Variants in MTOR observed in about 807,000 individuals in gnomAD.
MTOR encodes serine/threonine-protein kinase mTOR.
A neutral mutation model predicts 319.8 loss-of-function variants in MTOR; 70 were observed. The observed-to-expected ratio is 0.22, with a 90% confidence interval of 0.18 to 0.27. The LOEUF (loss-of-function observed/expected upper bound fraction) is 0.27, where lower values mean the gene tolerates loss of function less well. MTOR is among the 10% of genes least tolerant of loss of function. The pLI, the probability that MTOR is intolerant of heterozygous loss-of-function variation, is 1.00. For synonymous variants in MTOR, 1,183 were observed against 1,211.4 expected, an observed-to-expected ratio of 0.98 and a Z score of 0.49; for missense variants, 1,890 against 3,274.4, an observed-to-expected ratio of 0.58 and a Z score of 10.32.
chr1:11,171,441 C>T (rs1644811501), intron 28 of MTOR, among the ~76,000 whole-genome samples: 1 of 151,822 alleles, frequency 6.6e-6, no homozygotes, highest in Non-Finnish European at 1.5e-5. Context: ...GGCACTGCAC[C>T]TGGCCTCCAG....
chr1:11,161,557 A>G (rs1335707251), intron 29 of MTOR, among the ~76,000 whole-genome samples: 1 of 152,178 alleles, frequency 6.6e-6, no homozygotes, highest in African/African-American at 2.4e-5. Context: ...CTGACACCTC[A>G]CACGGCTGGG....
At chr1:11,202,420 CAAAAAAA>C (rs35136193) in intron 26 of MTOR, among the ~76,000 whole-genome samples, 2 of 72,158 alleles carry the variant, frequency 2.8e-5, no homozygotes, top group African/African-American at 1.3e-4. Context: ...AACTCCGTCT[CAAAAAAA>C]AAAAAAAAAA....
intron 4 of MTOR, among the ~76,000 whole-genome samples, chr1:11,256,556 T>C (rs1225141189): frequency 6.6e-6 from 1 of 152,166 alleles, no homozygotes; most frequent in Non-Finnish European, 1.5e-5. Flanking sequence ...TTTAATCCTG[T>C]TGTTATTTTT....
chr1:11,125,666 T>A (rs921199499), intron 46 of MTOR, among the ~76,000 whole-genome samples: 2 of 143,496 alleles, frequency 1.4e-5, no homozygotes, highest in Non-Finnish European at 3.0e-5. Context: ...GGAGGTGGGG[T>A]TGCAGTGAGC....
At chr1:11,253,726 T>G in intron 6 of MTOR, 113 bp downstream of exon 6, 2 of 1,198,470 alleles carry the variant, frequency 1.7e-6, no homozygotes, top group Non-Finnish European at 2.4e-6. Flanking sequence ...TTTACTTATT[T>G]ATTATGTTTC....
At chr1:11,206,010 T>C (rs893234878) in intron 25 of MTOR, among the ~76,000 whole-genome samples, 2 of 152,230 alleles carry the variant, frequency 1.3e-5, no homozygotes, top group South Asian at 4.1e-4. Flanking sequence ...TTAGACAACC[T>C]ATCACTTTAT....
chr1:11,150,094 C>T, intron 31 of MTOR, 32 bp downstream of exon 31: 2 of 1,595,922 alleles, frequency 1.3e-6, no homozygotes, highest in Non-Finnish European at 1.7e-6. Context: ...CTCACCCCAT[C>T]CTTCACAGGG....
At position 11,115,771 on chromosome 1, in the gene MTOR, A is replaced by G. The variant is rs1642133109; in HGVS notation, c.7017-303T>C. ...GGTCCTTTACAGAAACAGTTTGCCA[A>G]CTCCTGCTGAAATGTGGGCTTATGT... is the stretch of plus-strand genomic sequence containing the variant. On this transcript the variant is annotated intron_variant, in intron 50 of 57. Coordinates refer to ENST00000361445, the MANE Select transcript of MTOR (RefSeq NM_004958.4). This position sits in a 1 kb window ranked among gnomAD's most constrained non-coding sequence, Gnocchi z 4.5. 3.3e-6 allele frequency: 1 copy of G among 307,404 alleles called. No homozygotes were observed. Among genetic ancestry groups the G allele is most frequent in the African/African-American group, 2.1e-5 (1 of 47,472 alleles). 19.0% of individuals were successfully genotyped at this position (307,404 alleles called of 1,614,324 possible).
At position 11,200,613 on chromosome 1, in the gene MTOR, C is replaced by T. The variant is rs558193625; in HGVS notation, c.3945-910G>A. ...ATGCCTCTATACCTATTTTCTGTTA[C>T]ATATTAACAGGTTAAGTTAGACCAA... On this transcript the variant is annotated intron_variant, in intron 26 of 57. Coordinates refer to ENST00000361445, the MANE Select transcript of MTOR (RefSeq NM_004958.4). 2.0e-5 allele frequency among the ~76,000 whole-genome samples: 3 copies of T among 152,242 alleles called. No individual in the cohort carries two copies. In the East Asian group the frequency reaches 5.8e-4, roughly 29 times the overall value.
At chr1:11,232,602 C>T (rs182410148) in intron 15 of MTOR, 74 bp from the exon 16 acceptor site, 100 of 1,292,390 alleles carry the variant, frequency 7.7e-5, no homozygotes, top group Non-Finnish European at 1.0e-4. Flanking sequence ...AGGCCGGGCA[C>T]GGTGGCTCAT....
chr1:11,187,768 G>A (rs949611515), intron 28 of MTOR, among the ~76,000 whole-genome samples: 3 of 152,162 alleles, frequency 2.0e-5, no homozygotes, highest in African/African-American at 4.8e-5. Context: ...TGAATGCTAT[G>A]GAGCTAAGGC....
intron 11 of MTOR, among the ~76,000 whole-genome samples, chr1:11,239,365 A>C (rs1169618720): frequency 6.6e-6 from 1 of 152,196 alleles, no homozygotes; most frequent in Non-Finnish European, 1.5e-5. Context: ...ATTCACTAGA[A>C]ATAAATTATC....
At chr1:11,222,611 T>C (rs571540647) in intron 19 of MTOR, among the ~76,000 whole-genome samples, 1 of 152,270 alleles carries the variant, frequency 6.6e-6, no homozygotes, top group South Asian at 2.1e-4. Flanking sequence ...AGTGCTGATA[T>C]TACAGCCACC....
intron 26 of MTOR, 145 bp downstream of exon 26, chr1:11,204,416 G>C (rs1646073517): frequency 2.6e-6 from 3 of 1,160,182 alleles, no homozygotes; most frequent in African/African-American, 1.5e-5. Context: ...TGAGCTTGTT[G>C]AATTTGTCTT....
At chr1:11,246,615 C>T (rs755700633) in intron 8 of MTOR, among the ~76,000 whole-genome samples, 11 of 152,062 alleles carry the variant, frequency 7.2e-5, no homozygotes, top group Non-Finnish European at 1.3e-4. Context: ...GGCTGGGTGG[C>T]GTGAAGTGAG....
intron 49 of MTOR, among the ~76,000 whole-genome samples, chr1:11,118,738 C>T (rs561742437): frequency 6.6e-6 from 1 of 151,848 alleles, no homozygotes; most frequent in African/African-American, 2.4e-5. Flanking sequence ...GTGATCCTCC[C>T]GCCACATCCT....
intron 54 of MTOR, among the ~76,000 whole-genome samples, chr1:11,110,099 G>A (rs1486958063): frequency 1.3e-5 from 2 of 152,100 alleles, no homozygotes; most frequent in Non-Finnish European, 2.9e-5. Context: ...TGGATTTTCA[G>A]GCAAATTGCA....
chr1:11,226,108 G>A (rs1318082169), intron 19 of MTOR: 4 of 152,114 alleles, frequency 2.6e-5, no homozygotes, highest in Non-Finnish European at 4.4e-5. Flanking sequence ...ATTAGAACAC[G>A]TTATCAGTGT....
chr1:11,172,685 A>G (rs1022452530), intron 28 of MTOR, among the ~76,000 whole-genome samples: 1 of 152,010 alleles, frequency 6.6e-6, no homozygotes, highest in Admixed American at 6.6e-5. Flanking sequence ...CCTGGCCAAC[A>G]TGGTGAAACC....
Sources: allele counts gnomAD v4.1 joint callset (sites outside exome capture counted in the v4.1 genomes callset), GRCh38; gene constraint gnomAD v4.1.1; non-coding constraint Gnocchi (gnomAD v3.1); transcripts MANE v1.5; gene names NCBI Gene and HGNC (gene_info 2026-07-23, HGNC 2026-07-21).